Variants in SENP7 observed in about 807,000 individuals in gnomAD.
SENP7 encodes the protein sentrin-specific protease 7.
SENP7 carries 64 observed loss-of-function variants against 141.2 expected under a neutral mutation model. The ratio of observed to expected loss-of-function variants is 0.45; its 90% CI spans 0.37 to 0.56. The LOEUF is 0.56. Ranked by LOEUF, SENP7 falls within the 20% of genes least tolerant of loss-of-function variation. The pLI, the probability that SENP7 is intolerant of heterozygous loss-of-function variation, is 0.00. For synonymous variants in SENP7, 382 were observed against 426.4 expected (o/e 0.90, Z 1.28); for missense variants, 1,025 against 1,212.2 (o/e 0.85, Z 2.29).
At chr3:101,510,216 G>A (rs569237218) in intron 1 of SENP7, among the ~76,000 whole-genome samples, 6 of 152,184 alleles carry the variant, frequency 3.9e-5, no homozygotes, top group Non-Finnish European at 8.8e-5. Context: ...ACCTGTCTCT[G>A]ATGCCAGCCG....
At chr3:101,460,148 G>C (rs2063501071) in intron 3 of SENP7, among the ~76,000 whole-genome samples, 1 of 152,166 alleles carries the variant, frequency 6.6e-6, no homozygotes, top group Non-Finnish European at 1.5e-5. Flanking sequence ...ATGACCTCCA[G>C]ATTCCATTCA....
chr3:101,388,613 G>C (rs890650681), intron 6 of SENP7, among the ~76,000 whole-genome samples: 7 of 151,878 alleles, frequency 4.6e-5, no homozygotes, highest in African/African-American at 1.7e-4. Context: ...ATGTACAAAG[G>C]AATATAATAA....
chr3:101,406,980 T>C (rs1163898248), intron 5 of SENP7, among the ~76,000 whole-genome samples: 1 of 152,134 alleles, frequency 6.6e-6, no homozygotes, highest in Non-Finnish European at 1.5e-5. Flanking sequence ...AAGCTTCATA[T>C]ACAAAGGAAA....
chr3:101,369,288 TC>T, intron 7 of SENP7, among the ~76,000 whole-genome samples: 1 of 152,362 alleles, frequency 6.6e-6, no homozygotes, highest in African/African-American at 2.4e-5. Context: ...TTCACAATTT[TC>T]AATTCATCTG....
intron 4 of SENP7, among the ~76,000 whole-genome samples, chr3:101,444,995 A>G (rs1293186841): frequency 5.3e-5 from 8 of 152,168 alleles, no homozygotes; most frequent in African/African-American, 1.9e-4. Context: ...AAATTTTACC[A>G]AATAGATTCA....
intron 17 of SENP7, among the ~76,000 whole-genome samples, chr3:101,334,643 C>T (rs2107138692): frequency 6.6e-6 from 1 of 152,290 alleles, no homozygotes; most frequent in African/African-American, 2.4e-5. Context: ...ATTGAATTTT[C>T]TCATTTCAAA....
chr3:101,470,926 T>C (rs2063966549), intron 3 of SENP7, among the ~76,000 whole-genome samples: 1 of 152,056 alleles, frequency 6.6e-6, no homozygotes, highest in Non-Finnish European at 1.5e-5. Flanking sequence ...ATAAAATACC[T>C]AGGAATCCAA....
intron 4 of SENP7, among the ~76,000 whole-genome samples, chr3:101,454,287 A>G (rs1340528116): frequency 1.3e-5 from 2 of 152,208 alleles, no homozygotes; most frequent in African/African-American, 4.8e-5. Context: ...CAAGGTGGGT[A>G]GATCACTTGA....
chr3:101,331,575 T>TAATAAC (rs1325699902), intron 19 of SENP7, among the ~76,000 whole-genome samples: 1 of 150,572 alleles, frequency 6.6e-6, no homozygotes, highest in East Asian at 2.0e-4. Flanking sequence ...ATAATAATAA[T>TAATAAC]ACATGGAATA....
chr3:101,433,705 C>T (rs954968601), intron 4 of SENP7, among the ~76,000 whole-genome samples: 1 of 152,092 alleles, frequency 6.6e-6, no homozygotes. Context: ...GAGGTCAATT[C>T]AGCAAGAGGA....
At chr3:101,465,129 C>T (rs1251000713) in intron 3 of SENP7, among the ~76,000 whole-genome samples, 1 of 152,114 alleles carries the variant, frequency 6.6e-6, no homozygotes, top group African/African-American at 2.4e-5. Flanking sequence ...CCAAGACCCA[C>T]ACACACCATT....
intron 1 of SENP7, among the ~76,000 whole-genome samples, chr3:101,507,414 T>C (rs1387560481): frequency 6.6e-6 from 1 of 152,206 alleles, no homozygotes; most frequent in Non-Finnish European, 1.5e-5. Flanking sequence ...ATCACCTTCT[T>C]ATTATCACAC....
intron 3 of SENP7, among the ~76,000 whole-genome samples, chr3:101,485,403 TGA>T (rs2064686956): frequency 2.0e-5 from 3 of 152,130 alleles, no homozygotes; most frequent in African/African-American, 7.2e-5. Flanking sequence ...TATCCACGGC[TGA>T]GAGATCCATC....
At chr3:101,473,546 C>G (rs2064096348) in intron 3 of SENP7, among the ~76,000 whole-genome samples, 1 of 152,088 alleles carries the variant, frequency 6.6e-6, no homozygotes, top group Non-Finnish European at 1.5e-5. Flanking sequence ...TGGAAAAGCA[C>G]TTGTTCATGC....
At chr3:101,379,761 T>C (rs1196724556) in intron 6 of SENP7, among the ~76,000 whole-genome samples, 1 of 152,174 alleles carries the variant, frequency 6.6e-6, no homozygotes, top group Non-Finnish European at 1.5e-5. Context: ...TGAATAATAG[T>C]ATGATGTTTC....
intron 4 of SENP7, among the ~76,000 whole-genome samples, chr3:101,447,992 C>T (rs78800548): frequency 0.011 from 1,704 of 152,228 alleles, 31 homozygotes; most frequent in African/African-American, 0.038. Flanking sequence ...ATAATGAAGA[C>T]GCACCATTTG....
At chr3:101,433,917 A>G (rs894512131) in intron 4 of SENP7, among the ~76,000 whole-genome samples, 2 of 152,128 alleles carry the variant, frequency 1.3e-5, no homozygotes, top group Non-Finnish European at 2.9e-5. Flanking sequence ...GACTTAATCC[A>G]CACTATAGAC....
rs1325612802 is a variant in SENP7 at position 101,469,755 on chromosome 3, C to T, written c.187-10703G>A. Among the ~76,000 whole-genome samples, 3 of 91,448 alleles carry T rather than the reference C, an allele frequency of 3.3e-5. 1 individual carries two copies. The highest frequency in any genetic ancestry group is 7.7e-5 in the African/African-American group (2 of 25,926). 60.0% of individuals were successfully genotyped at this position (91,448 alleles called of 152,430 possible). A position where few individuals can be genotyped will look rare whatever the true frequency, so the allele number is the denominator to read the frequency against. ...AGGAGAATGGCGTGAACCTGGGAAG[C>T]GGAGCTTGCAGTGAGCCGAGATTGC... On this transcript the variant is annotated intron_variant, in intron 3 of 23. Coordinates refer to ENST00000394095, the MANE Select transcript of SENP7 (RefSeq NM_020654.5).
In SENP7 at chr3:101,337,639, G is replaced by T. The variant is rs772839341; in HGVS notation, c.2358-8C>A. 1.9e-6 allele frequency: 3 copies of T among 1,551,904 alleles called. No homozygotes were observed. Among genetic ancestry groups the T allele is most frequent in the Non-Finnish European group, 2.6e-6 (3 of 1,152,476 alleles). ...TTCTCCAATATAAGATACCTGTAAA[G>T]TAGTAACCCCACAAAAGTAAATTAT... On this transcript the variant is annotated splice_region_variant and splice_polypyrimidine_tract_variant and intron_variant, in intron 16 of 23. Coordinates refer to ENST00000394095, the MANE Select transcript of SENP7 (RefSeq NM_020654.5).
Sources: allele counts gnomAD v4.1 joint callset (sites outside exome capture counted in the v4.1 genomes callset), GRCh38; gene constraint gnomAD v4.1.1; transcripts MANE v1.5; gene names NCBI Gene and HGNC (gene_info 2026-07-23, HGNC 2026-07-21).